SLC16A2: variants seen among roughly 807,000 people sequenced by gnomAD.
The protein encoded by SLC16A2 is monocarboxylate transporter 8.
A neutral mutation model predicts 27.2 loss-of-function variants in SLC16A2; 3 were observed. The observed-to-expected ratio is 0.11, with a 90% confidence interval of 0.05 to 0.28. The LOEUF is 0.28. SLC16A2 is among the 10% of genes least tolerant of loss of function. The probability of loss-of-function intolerance (pLI) is 1.00; values close to 1 mark genes in which losing one functional copy is unlikely to be tolerated. For synonymous variants in SLC16A2, 202 were observed against 187.8 expected (o/e 1.08, Z -0.62); for missense variants, 295 against 458.5 (o/e 0.64, Z 3.26).
intron 1 of SLC16A2, among the ~76,000 whole-genome samples, chrX:74,506,486 G>T (rs1032592632): frequency 7.2e-5 from 8 of 111,670 alleles, no homozygotes; most frequent in African/African-American, 9.8e-5. Context: ...TAGAGTTCAG[G>T]AAGGCCAAGT....
intron 1 of SLC16A2, among the ~76,000 whole-genome samples, chrX:74,448,465 T>A (rs972865203): frequency 1.1e-4 from 12 of 110,280 alleles, no homozygotes; most frequent in Non-Finnish European, 1.3e-4. Flanking sequence ...TCTCTCACCC[T>A]TTCTGATCAA....
At chrX:74,531,304 G>A (rs1395311458) in intron 5 of SLC16A2, 29 bp from the exon 6 acceptor site, 3 of 1,173,061 alleles carry the variant, frequency 2.6e-6, no homozygotes, top group Non-Finnish European at 3.5e-6. Context: ...GCAAAGCTGA[G>A]CTTGACTTGT....
At position 74,472,414 on chromosome X, in the gene SLC16A2, T is replaced by A. The variant is rs765604407; in HGVS notation, c.431-48576T>A. On this transcript the variant is annotated intron_variant, in intron 1 of 5. Transcript: ENST00000587091. ...GAATTCAGCTTCATTCTTTTGTATG[T>A]GAATATCTAGTTGACTCATCACCAT... 2.7e-5 allele frequency among the ~76,000 whole-genome samples: 3 copies of A among 111,820 alleles called. No homozygotes were observed. In the South Asian group the frequency reaches 1.1e-3, roughly 41 times the overall value.
At chrX:74,424,396 C>T (rs1928366185) in intron 1 of SLC16A2, among the ~76,000 whole-genome samples, 1 of 111,207 alleles carries the variant, frequency 9.0e-6, no homozygotes, top group African/African-American at 3.3e-5. Flanking sequence ...CCTAGAAAAT[C>T]TCATCCTCAG....
intron 1 of SLC16A2, among the ~76,000 whole-genome samples, chrX:74,486,317 T>C (rs1929720586): frequency 1.8e-5 from 2 of 112,081 alleles, no homozygotes; most frequent in Admixed American, 9.4e-5. Flanking sequence ...TTTAATTCTA[T>C]AGGAAGCAGA....
At chrX:74,493,221 G>A (rs1403304153) in intron 1 of SLC16A2, among the ~76,000 whole-genome samples, 3 of 112,205 alleles carry the variant, frequency 2.7e-5, no homozygotes, top group Admixed American at 1.9e-4. Flanking sequence ...CTGGTGGGTG[G>A]GAGTAGGGTG....
intron 1 of SLC16A2, among the ~76,000 whole-genome samples, chrX:74,478,594 T>A (rs1003471740): frequency 1.8e-4 from 20 of 111,923 alleles, no homozygotes; most frequent in Non-Finnish European, 3.6e-4. Context: ...TCTTTACAAT[T>A]TGGCATGTTT....
chrX:74,438,608 A>G (rs1311792272), intron 1 of SLC16A2, among the ~76,000 whole-genome samples: 2 of 112,543 alleles, frequency 1.8e-5, no homozygotes, highest in African/African-American at 6.5e-5. Flanking sequence ...GCAAATGTAT[A>G]TGTATCTCTG....
intron 1 of SLC16A2, among the ~76,000 whole-genome samples, chrX:74,512,762 T>C (rs184953685): frequency 1.8e-5 from 2 of 111,530 alleles, no homozygotes; most frequent in Non-Finnish European, 3.8e-5. Context: ...ACTAATTGAG[T>C]ATTTGAGTAA....
chrX:74,494,046 T>A (rs1333525069), intron 1 of SLC16A2, among the ~76,000 whole-genome samples: 1 of 111,912 alleles, frequency 8.9e-6, no homozygotes, highest in Non-Finnish European at 1.9e-5. Context: ...TGCCACAGGC[T>A]GAGAGGAGCA....
At chrX:74,479,069 G>A (rs772337003) in intron 1 of SLC16A2, among the ~76,000 whole-genome samples, 17 of 111,771 alleles carry the variant, frequency 1.5e-4, no homozygotes, top group African/African-American at 3.3e-4. Flanking sequence ...GATAATATCC[G>A]GCAGAGTGTT....
chrX:74,528,334 G>T (rs1602143109), intron 4 of SLC16A2, among the ~76,000 whole-genome samples: 1 of 110,357 alleles, frequency 9.1e-6, no homozygotes. Context: ...AACACAGGTT[G>T]CAAATGAAGA....
chrX:74,510,461 G>T (rs1300222367), intron 1 of SLC16A2, among the ~76,000 whole-genome samples: 1 of 112,142 alleles, frequency 8.9e-6, no homozygotes, highest in Non-Finnish European at 1.9e-5. Context: ...TCCAAAACCA[G>T]TGGGTTCAAA....
At chrX:74,525,436 G>T in intron 3 of SLC16A2, among the ~76,000 whole-genome samples, 1 of 111,723 alleles carries the variant, frequency 9.0e-6, no homozygotes. Flanking sequence ...CTGTCAGTTT[G>T]GGGTAAGGGA....
At position 74,529,531 on chromosome X, in the gene SLC16A2, T is replaced by C. The variant is rs750707323; in HGVS notation, c.1399+90T>C. ...CCTGAGCATCTCTCCTTGAGGCCCC[T>C]TTTCCTCTTATCGTCTATTTAAGCA... On this transcript the variant is annotated intron_variant, in intron 5 of 5. Transcript: ENST00000587091. The C allele has an allele frequency of 1.2e-5, 8 of 666,153 alleles. No individual in the cohort carries two copies. In the Admixed American group the frequency reaches 1.3e-4, roughly 11 times the overall value. The allele number at this position is 666,153 out of a possible 1,213,427, so 54.9% of individuals were successfully genotyped here.
At chrX:74,519,176 T>C (rs1227026415) in intron 1 of SLC16A2, among the ~76,000 whole-genome samples, 1 of 110,033 alleles carries the variant, frequency 9.1e-6, no homozygotes, top group African/African-American at 3.3e-5. Flanking sequence ...TATAATTTTA[T>C]CTGATTTTTT....
intron 1 of SLC16A2, among the ~76,000 whole-genome samples, chrX:74,462,180 A>G (rs2147849393): frequency 8.9e-6 from 1 of 112,401 alleles, no homozygotes; most frequent in East Asian, 2.8e-4. Context: ...AACAACTGGA[A>G]TCAAGGCCCT....
intron 1 of SLC16A2, among the ~76,000 whole-genome samples, chrX:74,509,870 C>A (rs1930200953): frequency 8.9e-6 from 1 of 112,420 alleles, no homozygotes; most frequent in Non-Finnish European, 1.9e-5. Context: ...CCCAGCCTAT[C>A]CTTTTTAGAT....
intron 1 of SLC16A2, among the ~76,000 whole-genome samples, chrX:74,498,437 C>T (rs774283211): frequency 9.0e-6 from 1 of 110,985 alleles, no homozygotes; most frequent in Non-Finnish European, 1.9e-5. Context: ...CAGCACATGA[C>T]CATAGTTTTC....
Sources: gnomAD v4.1 joint callset for allele counts (sites outside exome capture counted in the v4.1 genomes callset) on GRCh38, gnomAD v4.1.1 for gene constraint, MANE v1.5 for transcripts, NCBI Gene and HGNC (gene_info 2026-07-23, HGNC 2026-07-21) for gene names.